Variants in DLC1 observed in about 807,000 individuals in gnomAD.
The protein encoded by DLC1 is rho GTPase-activating protein 7.
A neutral mutation model predicts 140.3 loss-of-function variants in DLC1; 54 were observed. That is an observed-to-expected ratio of 0.38 (90% CI 0.31 to 0.48). DLC1 has a LOEUF of 0.48. Ranked by LOEUF, DLC1 falls within the 20% of genes least tolerant of loss-of-function variation. DLC1 has a pLI of 0.96. For synonymous variants in DLC1, 986 were observed against 728.1 expected (o/e 1.35, Z -5.70); for missense variants, 2,536 against 1,907.0 (o/e 1.33, Z -6.14).
chr8:13,230,314 A>T (rs966675830), intron 5 of DLC1, among the ~76,000 whole-genome samples: 1 of 152,232 alleles, frequency 6.6e-6, no homozygotes, highest in Non-Finnish European at 1.5e-5. Flanking sequence ...AGTCCAGAAC[A>T]TCTTGTAAGG....
At chr8:13,123,367 T>A (rs1821268873) in intron 5 of DLC1, among the ~76,000 whole-genome samples, 1 of 147,280 alleles carries the variant, frequency 6.8e-6, no homozygotes. Context: ...TGACAAGGAG[T>A]CTCAACTCTG....
intron 4 of DLC1, chr8:13,342,856 C>CTG: frequency 6.6e-6 from 1 of 152,058 alleles, no homozygotes; most frequent in East Asian, 1.9e-4. Flanking sequence ...CTCTCTCTCT[C>CTG]TCTTTGCGTC....
At chr8:13,248,858 C>T (rs566136412) in intron 5 of DLC1, among the ~76,000 whole-genome samples, 1 of 152,112 alleles carries the variant, frequency 6.6e-6, no homozygotes, top group South Asian at 2.1e-4. Flanking sequence ...TGCAATTCAC[C>T]TTTTTTTTCC....
At chr8:13,359,545 G>A (rs1835123569) in intron 4 of DLC1, among the ~76,000 whole-genome samples, 2 of 152,068 alleles carry the variant, frequency 1.3e-5, no homozygotes, top group Non-Finnish European at 2.9e-5. Flanking sequence ...GCAAAGTACA[G>A]CTCAATCTAA....
At chr8:13,139,772 CGT>C (rs1822839050) in intron 5 of DLC1, among the ~76,000 whole-genome samples, 1 of 152,214 alleles carries the variant, frequency 6.6e-6, no homozygotes, top group Admixed American at 6.5e-5. Flanking sequence ...CTGATTCTTT[CGT>C]GTGTCCCCTG....
At chr8:13,312,307 G>A (rs1157187089) in intron 4 of DLC1, among the ~76,000 whole-genome samples, 2 of 103,928 alleles carry the variant, frequency 1.9e-5, no homozygotes, top group African/African-American at 7.4e-5. Context: ...CTTGCAGTGA[G>A]CCGAGATCGC....
intron 5 of DLC1, among the ~76,000 whole-genome samples, chr8:13,266,489 A>C (rs1830693509): frequency 6.6e-6 from 1 of 152,216 alleles, no homozygotes; most frequent in Admixed American, 6.5e-5. Context: ...TCACACCTGT[A>C]ATTCCAGCAC....
At chr8:13,372,399 AC>A (rs1424610705) in intron 4 of DLC1, among the ~76,000 whole-genome samples, 3 of 152,182 alleles carry the variant, frequency 2.0e-5, no homozygotes, top group African/African-American at 7.2e-5. Context: ...TTGTACACAA[AC>A]AGAAGAACCG....
At chr8:13,553,746 C>T (rs1286876547) in intron 1 of DLC1, among the ~76,000 whole-genome samples, 1 of 152,078 alleles carries the variant, frequency 6.6e-6, no homozygotes, top group Admixed American at 6.6e-5. Flanking sequence ...CTCTTTAGAA[C>T]AAATGCCCAT....
At chr8:13,468,758 A>G (rs1800064791) in intron 2 of DLC1, among the ~76,000 whole-genome samples, 2 of 150,530 alleles carry the variant, frequency 1.3e-5, no homozygotes, top group South Asian at 4.2e-4. Context: ...TAGAGTTTTC[A>G]AATCAAAGGA....
chr8:13,153,080 TTGG>T (rs1823953306), intron 5 of DLC1, among the ~76,000 whole-genome samples: 1 of 152,192 alleles, frequency 6.6e-6, no homozygotes, highest in South Asian at 2.1e-4. Context: ...GTGCCTGGAA[TTGG>T]TGGGTTGTTG....
intron 4 of DLC1, 70 bp downstream of exon 4, chr8:13,393,483 A>T (rs1397230910): frequency 6.8e-7 from 1 of 1,475,560 alleles, no homozygotes; most frequent in East Asian, 2.3e-5. Context: ...ATATCGAATG[A>T]ATATCAACTC....
At chr8:13,346,420 C>T (rs1015407203) in intron 4 of DLC1, among the ~76,000 whole-genome samples, 1 of 152,182 alleles carries the variant, frequency 6.6e-6, no homozygotes, top group Non-Finnish European at 1.5e-5. Context: ...AACAAGTTGT[C>T]GTCCGAATGT....
At chr8:13,237,687 C>T (rs1229636988) in intron 5 of DLC1, among the ~76,000 whole-genome samples, 1 of 152,042 alleles carries the variant, frequency 6.6e-6, no homozygotes, top group Non-Finnish European at 1.5e-5. Flanking sequence ...AGCTTAGCTC[C>T]CACTTATGAG....
chr8:13,167,301 CT>C (rs927479912), intron 5 of DLC1, among the ~76,000 whole-genome samples: 2 of 152,034 alleles, frequency 1.3e-5, no homozygotes, highest in African/African-American at 4.8e-5. Context: ...TCTAACTGCC[CT>C]TTCTGAAAGC....
At chr8:13,351,898 T>C (rs898843074) in intron 4 of DLC1, among the ~76,000 whole-genome samples, 14 of 152,186 alleles carry the variant, frequency 9.2e-5, no homozygotes, top group African/African-American at 1.2e-4. Flanking sequence ...TAATAACATA[T>C]CCATTAATGC....
At chr8:13,355,198 T>C (rs1218349972) in intron 4 of DLC1, among the ~76,000 whole-genome samples, 2 of 152,154 alleles carry the variant, frequency 1.3e-5, no homozygotes, top group Non-Finnish European at 2.9e-5. Flanking sequence ...TTATTATCTG[T>C]ATTAGTCAGC....
At chr8:13,415,924 C>A (rs188767973) in intron 2 of DLC1, among the ~76,000 whole-genome samples, 1 of 152,088 alleles carries the variant, frequency 6.6e-6, no homozygotes, top group Non-Finnish European at 1.5e-5. Flanking sequence ...TATGTCTTCT[C>A]GAAATTTCTC....
chr8:13,382,666 A>C (rs74336153), intron 4 of DLC1, among the ~76,000 whole-genome samples: 5,619 of 152,266 alleles, frequency 0.037, 122 homozygotes, highest in African/African-American at 0.053. Context: ...AAACAATGAA[A>C]AACAAATGTA....
Sources: allele counts gnomAD v4.1 joint callset (sites outside exome capture counted in the v4.1 genomes callset), GRCh38; gene constraint gnomAD v4.1.1; transcripts MANE v1.5; gene names NCBI Gene and HGNC (gene_info 2026-07-23, HGNC 2026-07-21).